ITPRID1: variants seen among roughly 807,000 people sequenced by gnomAD.
ITPRID1 encodes ITPR interacting domain containing 1.
ITPRID1 carries 96 observed loss-of-function variants against 95.4 expected under a neutral mutation model. That is an observed-to-expected ratio of 1.01 (90% CI 0.85 to 1.19). ITPRID1 has a LOEUF of 1.19. Ranked by LOEUF, ITPRID1 falls within the 50% of genes most tolerant of loss-of-function variation. ITPRID1 has a pLI of 0.00. For missense variants in ITPRID1, 1,339 were observed against 1,252.9 expected (o/e 1.07, Z -1.04); for synonymous variants, 510 against 453.6 (o/e 1.12, Z -1.58).
intron 2 of ITPRID1, among the ~76,000 whole-genome samples, chr7:31,552,269 A>G (rs1784306354): frequency 7.0e-6 from 1 of 143,164 alleles, no homozygotes; most frequent in African/African-American, 2.5e-5. Context: ...TAGTCATGGG[A>G]ACATGCTTGA....
chr7:31,601,371 C>T (rs562733297), intron 10 of ITPRID1, among the ~76,000 whole-genome samples: 5 of 152,202 alleles, frequency 3.3e-5, no homozygotes, highest in South Asian at 2.1e-4. Context: ...TGCCACTGCA[C>T]GGATAAGGAA....
chr7:31,552,093 C>T (rs1405902234), intron 2 of ITPRID1, among the ~76,000 whole-genome samples: 1 of 143,338 alleles, frequency 7.0e-6, no homozygotes, highest in Non-Finnish European at 1.6e-5. Flanking sequence ...CGAACAATTT[C>T]TTTTGCTGCG....
intron 10 of ITPRID1, among the ~76,000 whole-genome samples, chr7:31,587,578 A>G (rs1479383245): frequency 6.7e-6 from 1 of 149,338 alleles, no homozygotes; most frequent in African/African-American, 2.5e-5. Flanking sequence ...GGTAATTTAC[A>G]GATTCAATGC....
chr7:31,539,340 A>T (rs781466377), intron 1 of ITPRID1, among the ~76,000 whole-genome samples: 2 of 152,078 alleles, frequency 1.3e-5, no homozygotes, highest in African/African-American at 4.8e-5. Context: ...ATGCACCACC[A>T]CACCTGGCTA....
In ITPRID1 at chr7:31,643,113, G is replaced by A. The variant is rs778966606; in HGVS notation, c.1743G>A (p.Val581=). The A allele has an allele frequency of 7.1e-5, 114 of 1,613,838 alleles. No homozygotes were observed. Among genetic ancestry groups the A allele is most frequent in the Non-Finnish European group, 9.3e-5 (110 of 1,179,900 alleles). ...THVTEMQDSF[V]RPEGAGKVQS... is the part of the protein sequence containing the mutation. ...TCACAGAAATGCAGGACAGTTTTGT[G>A]AGGCCTGAGGGAGCTGGCAAAGTGC... The change falls in exon 12 of 15, where the codon GTG becomes GTA. Residue 581 remains valine (V), a synonymous_variant. Transcript: ENST00000615280.
intron 10 of ITPRID1, among the ~76,000 whole-genome samples, chr7:31,602,551 A>T (rs1054459694): frequency 1.3e-5 from 2 of 152,186 alleles, no homozygotes; most frequent in Non-Finnish European, 2.9e-5. Flanking sequence ...AGGCTGCATT[A>T]GTTCCCAGTA....
chr7:31,569,701 A>T (rs1784916153), intron 5 of ITPRID1, 57 bp from the exon 6 acceptor site: 5 of 1,490,314 alleles, frequency 3.4e-6, no homozygotes, highest in Non-Finnish European at 4.6e-6. Flanking sequence ...GGGTTGAGAA[A>T]ATCTTCCGCA....
chr7:31,604,636 G>T (rs1176135879), intron 10 of ITPRID1, among the ~76,000 whole-genome samples: 1 of 152,166 alleles, frequency 6.6e-6, no homozygotes, highest in Admixed American at 6.5e-5. Context: ...GTAATAAGCA[G>T]TCTAAACCAC....
chr7:31,619,573 G>T (rs1218769623), intron 10 of ITPRID1, among the ~76,000 whole-genome samples: 1 of 151,882 alleles, frequency 6.6e-6, no homozygotes, highest in Non-Finnish European at 1.5e-5. Flanking sequence ...GGAAATCAAT[G>T]GTCAAGTAAG....
chr7:31,639,839 A>G (rs38389), intron 10 of ITPRID1, among the ~76,000 whole-genome samples: 24,236 of 152,072 alleles, frequency 0.16, 2,365 homozygotes, highest in Non-Finnish European at 0.2. Flanking sequence ...CCCAGGATAT[A>G]GTTTTAATAA....
intron 10 of ITPRID1, among the ~76,000 whole-genome samples, chr7:31,621,924 T>A (rs896308007): frequency 1.3e-5 from 2 of 150,464 alleles, no homozygotes; most frequent in African/African-American, 4.9e-5. Flanking sequence ...ACCAAGCCAA[T>A]GGAAAACAAA....
At chr7:31,573,234 G>T (rs987090373) in intron 7 of ITPRID1, among the ~76,000 whole-genome samples, 1 of 152,160 alleles carries the variant, frequency 6.6e-6, no homozygotes, top group African/African-American at 2.4e-5. Flanking sequence ...TATTTCAGAT[G>T]TTCTCACCAC....
In ITPRID1 at chr7:31,652,544, A is replaced by C. The variant is rs1353460567; in HGVS notation, c.2850A>C (p.Pro950=). The C allele has an allele frequency of 6.2e-7, 1 of 1,606,136 alleles. No individual in the cohort carries two copies. The highest frequency in any genetic ancestry group is 1.3e-5 in the African/African-American group (1 of 74,922). Residue 950 remains proline (P), a synonymous_variant, in exon 15 of 15, where the codon CCA becomes CCC. Transcript: ENST00000615280. Reference sequence around the variant, plus strand: ...AGCTGGAGGTTCTCACAGCAGAGCCACCTGAACACTATTCAAATCTGCATC... The same window carrying C: ...AGCTGGAGGTTCTCACAGCAGAGCCCCCTGAACACTATTCAAATCTGCATC... The part of the protein sequence containing the change: ...LLQLEVLTAE[P]PEHYSNLHQY...
chr7:31,555,869 A>C (rs1197725347), intron 5 of ITPRID1, among the ~76,000 whole-genome samples: 3 of 152,204 alleles, frequency 2.0e-5, no homozygotes, highest in African/African-American at 4.8e-5. Context: ...TGTATCATTG[A>C]AATTTCCCTT....
intron 10 of ITPRID1, among the ~76,000 whole-genome samples, chr7:31,604,839 G>C (rs1397745390): frequency 6.6e-6 from 1 of 152,136 alleles, no homozygotes; most frequent in Admixed American, 6.5e-5. Flanking sequence ...AAGGAGGTTA[G>C]AAAATAAATC....
At chr7:31,621,061 A>G (rs1328585015) in intron 10 of ITPRID1, among the ~76,000 whole-genome samples, 2 of 151,868 alleles carry the variant, frequency 1.3e-5, no homozygotes, top group Admixed American at 1.3e-4. Context: ...TAGAGAAAAA[A>G]GAATAAAAAG....
intron 1 of ITPRID1, among the ~76,000 whole-genome samples, chr7:31,520,924 C>A (rs1330271907): frequency 6.6e-6 from 1 of 151,814 alleles, no homozygotes; most frequent in Non-Finnish European, 1.5e-5. Context: ...TTGTAGATTT[C>A]CACAACTGTA....
chr7:31,576,562 C>A (rs147668498), intron 8 of ITPRID1, among the ~76,000 whole-genome samples: 25 of 152,294 alleles, frequency 1.6e-4, no homozygotes, highest in Non-Finnish European at 3.1e-4. Context: ...GAAATGTAAT[C>A]AGAATTATTC....
At chr7:31,605,384 A>T (rs1376260396) in intron 10 of ITPRID1, among the ~76,000 whole-genome samples, 1 of 152,188 alleles carries the variant, frequency 6.6e-6, no homozygotes, top group African/African-American at 2.4e-5. Context: ...GTGCTAGTAT[A>T]AAACAATTCA....
Sources: gnomAD v4.1 joint callset for allele counts (sites outside exome capture counted in the v4.1 genomes callset) on GRCh38, gnomAD v4.1.1 for gene constraint, MANE v1.5 for transcripts, NCBI Gene and HGNC (gene_info 2026-07-23, HGNC 2026-07-21) for gene names.